CREBRF: variants seen among roughly 807,000 people sequenced by gnomAD.
CREBRF encodes CREB3 regulatory factor, also known as UPF0474 protein C5orf41.
Under a neutral mutation model 66.1 loss-of-function variants are expected in CREBRF, and 5 were observed. That is an observed-to-expected ratio of 0.08 (90% CI 0.04 to 0.16). The LOEUF is 0.16. Ranked by LOEUF, CREBRF falls within the 10% of genes least tolerant of loss-of-function variation. The pLI is 1.00. For missense variants in CREBRF, 531 were observed against 744.9 expected (o/e 0.71, Z 3.34); for synonymous variants, 229 against 264.4 (o/e 0.87, Z 1.30).
At chr5:173,095,114 TG>T (rs1469502181) in intron 4 of CREBRF, among the ~76,000 whole-genome samples, 2 of 152,072 alleles carry the variant, frequency 1.3e-5, no homozygotes, top group South Asian at 4.2e-4. Context: ...AATTTATTTC[TG>T]GGCTCTCTGT....
Position 173,110,724 on chromosome 5 carries a change from A to G in CREBRF, c.1607+13A>G, listed in dbSNP as rs765004200. ...AGCTGGCTTCCAGGTAAATGCTAAT[A>G]ATGTTCACTCATGTGAAGAAAGTTT... On this transcript the variant is annotated intron_variant, in intron 6 of 8. Coordinates refer to ENST00000296953, the MANE Select transcript of CREBRF (RefSeq NM_153607.3). 6.3e-7 allele frequency: 1 copy of G among 1,598,992 alleles called. No individual in the cohort carries two copies. The highest frequency in any genetic ancestry group is 8.5e-7 in the Non-Finnish European group (1 of 1,174,650).
intron 4 of CREBRF, 138 bp downstream of exon 4, chr5:173,091,539 A>G: frequency 6.9e-7 from 1 of 1,456,946 alleles, no homozygotes; most frequent in Non-Finnish European, 9.1e-7. Flanking sequence ...TGGATTGGAT[A>G]TGTAATTGGT....
intron 8 of CREBRF, among the ~76,000 whole-genome samples, chr5:173,131,625 A>G (rs1759424999): frequency 6.6e-6 from 1 of 152,168 alleles, no homozygotes; most frequent in Non-Finnish European, 1.5e-5. Flanking sequence ...GTCAAGAGGC[A>G]CATAATATCA....
At chr5:173,063,711 G>C (rs13172948) in intron 1 of CREBRF, among the ~76,000 whole-genome samples, 3 of 150,492 alleles carry the variant, frequency 2.0e-5, no homozygotes, top group African/African-American at 7.3e-5. Flanking sequence ...TGATTAAAAA[G>C]AATTTTTGTT....
intron 2 of CREBRF, among the ~76,000 whole-genome samples, chr5:173,082,940 A>AAC (rs1758007401): frequency 7.9e-6 from 1 of 126,792 alleles, no homozygotes; most frequent in Non-Finnish European, 1.7e-5. Flanking sequence ...AAAAAAAAAA[A>AAC]AAAAAACCGG....
chr5:173,133,608 T>TC, intron 8 of CREBRF, 22 bp from the exon 9 acceptor site: 1 of 1,410,380 alleles, frequency 7.1e-7, no homozygotes, highest in Non-Finnish European at 1.0e-6. Context: ...TGTCTAGATG[T>TC]GCCTTTTATT....
chr5:173,117,634 C>A (rs1245530832), intron 7 of CREBRF, among the ~76,000 whole-genome samples: 9 of 78,576 alleles, frequency 1.1e-4, no homozygotes, highest in African/African-American at 3.2e-4. Flanking sequence ...TCCCTCCCTC[C>A]CTCCTTCTCT....
intron 1 of CREBRF, among the ~76,000 whole-genome samples, chr5:173,069,430 T>TC (rs879912338): frequency 6.6e-6 from 1 of 151,926 alleles, no homozygotes; most frequent in Non-Finnish European, 1.5e-5. Context: ...TTCAAGCAAT[T>TC]CCCCCATCTC....
In CREBRF at chr5:173,059,889, C is replaced by T. The variant is rs866392192; in HGVS notation, c.-192+3410C>T. ...AGGCTAAATAGCTCCCGAAGAGAGT[C>T]TGGATGCTCCATTTACCATCATTCT... On this transcript the variant is annotated intron_variant, in intron 1 of 8. Transcript: ENST00000296953. Among the ~76,000 whole-genome samples the T allele has an allele frequency of 2.8e-4, 42 of 152,310 alleles. No homozygotes were observed. The Middle Eastern group carries it at 0.01, about 37-fold the overall frequency.
intron 1 of CREBRF, among the ~76,000 whole-genome samples, chr5:173,079,651 C>G (rs1358569678): frequency 6.6e-6 from 1 of 151,972 alleles, no homozygotes; most frequent in Non-Finnish European, 1.5e-5. Flanking sequence ...TAGAGAGGAC[C>G]ACAATCACCT....
intron 2 of CREBRF, among the ~76,000 whole-genome samples, chr5:173,083,682 T>TA (rs957671117): frequency 6.6e-5 from 10 of 152,144 alleles, no homozygotes; most frequent in African/African-American, 2.2e-4. Context: ...CTGCAGACCC[T>TA]AGGAAAAGAC....
intron 8 of CREBRF, among the ~76,000 whole-genome samples, chr5:173,128,671 CTTA>C (rs1043167937): frequency 1.3e-5 from 2 of 151,862 alleles, no homozygotes; most frequent in Non-Finnish European, 2.9e-5. Context: ...ATGCAGCTTT[CTTA>C]TTATATTTGT....
chr5:173,120,043 T>C (rs1759101724), intron 7 of CREBRF, among the ~76,000 whole-genome samples: 1 of 152,192 alleles, frequency 6.6e-6, no homozygotes, highest in Non-Finnish European at 1.5e-5. Context: ...TAATATTATA[T>C]GTTGGATTCC....
In CREBRF at chr5:173,132,352, G is replaced by A. The variant is rs185914204; in HGVS notation, c.1805-1278G>A. ...TCTGCCTGCCTTGGCCTCCCAAAGC[G>A]TTGGTATTACAGGCGTGAGCCACTG... is the stretch of plus-strand genomic sequence containing the variant. On this transcript the variant is annotated intron_variant, in intron 8 of 8. Coordinates refer to ENST00000296953, the MANE Select transcript of CREBRF (RefSeq NM_153607.3). 3.2e-3 allele frequency among the ~76,000 whole-genome samples: 474 copies of A among 147,874 alleles called. 5 individuals carry two copies. Among genetic ancestry groups the A allele is most frequent in the African/African-American group, 0.011 (444 of 40,154 alleles).
intron 8 of CREBRF, 25 bp from the exon 9 acceptor site, chr5:173,133,605 A>G: frequency 1.5e-6 from 2 of 1,378,660 alleles, no homozygotes; most frequent in South Asian, 2.4e-5. Flanking sequence ...TTGTGTCTAG[A>G]TGTGCCTTTT....
At chr5:173,130,361 T>G (rs967364482) in intron 8 of CREBRF, among the ~76,000 whole-genome samples, 2 of 152,216 alleles carry the variant, frequency 1.3e-5, no homozygotes, top group Non-Finnish European at 2.9e-5. Flanking sequence ...TGTTTTTACC[T>G]TGTGGATTGG....
chr5:173,087,503 C>T (rs966932082), intron 3 of CREBRF, among the ~76,000 whole-genome samples: 2 of 150,946 alleles, frequency 1.3e-5, no homozygotes, highest in Non-Finnish European at 3.0e-5. Flanking sequence ...TGAGACCATC[C>T]TGGCCAACAT....
chr5:173,076,808 A>C (rs1757779494), intron 1 of CREBRF, among the ~76,000 whole-genome samples: 1 of 151,766 alleles, frequency 6.6e-6, no homozygotes, highest in Non-Finnish European at 1.5e-5. Context: ...AGAATTGTGG[A>C]TCTGGAACAG....
intron 1 of CREBRF, among the ~76,000 whole-genome samples, chr5:173,078,745 G>A (rs953883337): frequency 3.5e-4 from 53 of 151,748 alleles, no homozygotes; most frequent in Admixed American, 3.5e-3. Context: ...GGCTGGTCTT[G>A]AACTCCTGAC....
Sources: allele counts gnomAD v4.1 joint callset (sites outside exome capture counted in the v4.1 genomes callset), GRCh38; gene constraint gnomAD v4.1.1; transcripts MANE v1.5; gene names NCBI Gene and HGNC (gene_info 2026-07-23, HGNC 2026-07-21).